BDP1: variants seen among roughly 807,000 people sequenced by gnomAD.
The protein encoded by BDP1 is BDP1 general transcription factor IIIB subunit.
In BDP1, 169 loss-of-function variants were observed where a neutral mutation model predicts 266.6. The ratio of observed to expected loss-of-function variants is 0.63; its 90% CI spans 0.56 to 0.72. BDP1 has a LOEUF of 0.72. Among genes scored for constraint, BDP1 ranks in the 30% least tolerant of loss-of-function variants. The probability of loss-of-function intolerance (pLI) is 0.00; values close to 1 mark genes in which losing one functional copy is unlikely to be tolerated. For missense variants in BDP1, 3,015 were observed against 3,053.8 expected, an observed-to-expected ratio of 0.99 and a Z score of 0.30; for synonymous variants, 1,090 against 1,022.4, an observed-to-expected ratio of 1.07 and a Z score of -1.26.
chr5:71,502,890 C>CATTT (rs1269938246), intron 15 of BDP1, 99 bp downstream of exon 15: 12 of 849,842 alleles, frequency 1.4e-5, no homozygotes, highest in Middle Eastern at 3.0e-4. Flanking sequence ...TACATACATA[C>CATTT]ATTTATTTAT....
chr5:71,483,198 C>G lies in BDP1; in HGVS notation c.1015-644C>G, dbSNP rs554987065. Among the ~76,000 whole-genome samples the G allele has an allele frequency of 9.5e-4, 145 of 152,252 alleles. 2 individuals carry two copies. The highest frequency in any genetic ancestry group is 2.9e-3 in the African/African-American group (121 of 41,538). On this transcript the variant is annotated intron_variant, in intron 7 of 38. Transcript: ENST00000358731. Reference sequence around the variant, plus strand: ...GAAACATTGGCTGTTTGTTTCCTCTCCTACGATGTGTTTGCGTGATCAGAC... The same window carrying G: ...GAAACATTGGCTGTTTGTTTCCTCTGCTACGATGTGTTTGCGTGATCAGAC...
intron 16 of BDP1, among the ~76,000 whole-genome samples, chr5:71,506,810 CACACA>C (rs1764608268): frequency 7.1e-6 from 1 of 140,828 alleles, no homozygotes; most frequent in African/African-American, 2.6e-5. Flanking sequence ...CACACACACA[CACACA>C]CACACACACC....
chr5:71,570,927 A>G (rs1744244280), downstream of BDP1, among the ~76,000 whole-genome samples: 1 of 152,244 alleles, frequency 6.6e-6, no homozygotes, highest in African/African-American at 2.4e-5. Context: ...CTTTATCAGC[A>G]GGTTCCATAT....
chr5:71,483,457 A>G (rs1763079549), intron 7 of BDP1, among the ~76,000 whole-genome samples: 1 of 152,224 alleles, frequency 6.6e-6, no homozygotes, highest in Non-Finnish European at 1.5e-5. Flanking sequence ...TCTTCTCTCC[A>G]TGCTACTTGA....
chr5:71,506,823 A>ACACACC (rs377599570), intron 16 of BDP1, among the ~76,000 whole-genome samples: 25,866 of 141,668 alleles, frequency 0.18, 3,060 homozygotes, highest in Non-Finnish European at 0.24. Flanking sequence ...ACACACACAC[A>ACACACC]CCCATATTTT....
chr5:71,501,075 C>T (rs1351810100), intron 13 of BDP1, among the ~76,000 whole-genome samples: 1 of 147,812 alleles, frequency 6.8e-6, no homozygotes, highest in Non-Finnish European at 1.5e-5. Flanking sequence ...CTAGCCTGGG[C>T]GACAGAGCAT....
chr5:71,524,852 C>G (rs1765702375), intron 25 of BDP1, among the ~76,000 whole-genome samples: 4 of 148,290 alleles, frequency 2.7e-5, no homozygotes, highest in African/African-American at 1.0e-4. Flanking sequence ...GAGCATGCTG[C>G]CTTCAAGCAT....
intron 3 of BDP1, among the ~76,000 whole-genome samples, chr5:71,463,825 G>C (rs1245848708): frequency 1.6e-5 from 1 of 61,620 alleles, no homozygotes; most frequent in African/African-American, 4.5e-5. Context: ...CCCTGTTGTT[G>C]TATTAAAAAA....
chr5:71,466,007 T>C (rs1447128344), intron 4 of BDP1, 89 bp from the exon 5 acceptor site: 3 of 1,366,580 alleles, frequency 2.2e-6, no homozygotes, highest in East Asian at 4.8e-5. Flanking sequence ...AGCTAGAAGG[T>C]TGAGTTTGTA....
chr5:71,544,558 G>T, intron 31 of BDP1, 51 bp downstream of exon 31: 1 of 1,550,428 alleles, frequency 6.4e-7, no homozygotes, highest in Non-Finnish European at 8.7e-7. Flanking sequence ...TTCAGCTATA[G>T]CCTTAAGTTG....
chr5:71,519,785 A>C (rs1277233340), intron 22 of BDP1, among the ~76,000 whole-genome samples: 1 of 152,208 alleles, frequency 6.6e-6, no homozygotes, highest in East Asian at 1.9e-4. Context: ...GAGAGTTCAG[A>C]TATCTCTTTG....
intron 7 of BDP1, among the ~76,000 whole-genome samples, chr5:71,478,781 G>A (rs533050724): frequency 2.8e-4 from 43 of 151,952 alleles, no homozygotes; most frequent in African/African-American, 1.0e-3. Context: ...ACTTTTAATA[G>A]TTTCTCTGTT....
At chr5:71,483,267 T>G (rs1274580610) in intron 7 of BDP1, among the ~76,000 whole-genome samples, 1 of 152,196 alleles carries the variant, frequency 6.6e-6, no homozygotes, top group African/African-American at 2.4e-5. Context: ...CTAATGACTT[T>G]AGGATGGATT....
chr5:71,467,886 C>T (rs1762000206), intron 6 of BDP1, among the ~76,000 whole-genome samples: 1 of 152,032 alleles, frequency 6.6e-6, no homozygotes, highest in Non-Finnish European at 1.5e-5. Context: ...ATTGCCGAGG[C>T]TGGAGTGCAG....
At chr5:71,509,328 C>A in intron 16 of BDP1, 137 bp from the exon 17 acceptor site, 2 of 871,102 alleles carry the variant, frequency 2.3e-6, no homozygotes, top group Non-Finnish European at 3.3e-6. Context: ...TAAATTTTAC[C>A]CAGCGATTCC....
At chr5:71,568,355 G>A (rs1220248983), downstream of BDP1, among the ~76,000 whole-genome samples, 1 of 152,212 alleles carries the variant, frequency 6.6e-6, no homozygotes, top group Admixed American at 6.5e-5. Flanking sequence ...CAGTAAGTAG[G>A]TTGGGGTAGT....
rs575679061 is a variant in BDP1, at chr5:71,529,200, G to T, written c.5773-3108G>T. ...AGGTCAGGAGTTCGAGACCAGCCTG[G>T]CCAACATGGTGAAACCCCATCTCTA... On this transcript the variant is annotated intron_variant, in intron 25 of 38. Coordinates refer to ENST00000358731, the MANE Select transcript of BDP1 (RefSeq NM_018429.3). Among the ~76,000 whole-genome samples the T allele has an allele frequency of 5.9e-5, 9 of 151,982 alleles. No homozygotes were observed. In the East Asian group the frequency reaches 1.7e-3, roughly 30 times the overall value.
chr5:71,503,410 C>T (rs993103633), intron 15 of BDP1, among the ~76,000 whole-genome samples: 1 of 152,228 alleles, frequency 6.6e-6, no homozygotes, highest in African/African-American at 2.4e-5. Flanking sequence ...TGGGCATTTA[C>T]ATGATAGATA....
At chr5:71,497,104 T>A (rs920001911) in intron 12 of BDP1, among the ~76,000 whole-genome samples, 166 bp from the exon 13 acceptor site, 2 of 152,236 alleles carry the variant, frequency 1.3e-5, no homozygotes, top group African/African-American at 4.8e-5. Flanking sequence ...GAATGGTGTA[T>A]TTTTAATATC....
Sources: gnomAD v4.1 joint callset for allele counts (sites outside exome capture counted in the v4.1 genomes callset) on GRCh38, gnomAD v4.1.1 for gene constraint, MANE v1.5 for transcripts, NCBI Gene and HGNC (gene_info 2026-07-23, HGNC 2026-07-21) for gene names.